ANOS1: variants seen among roughly 807,000 people sequenced by gnomAD.
ANOS1 encodes anosmin 1, also known as anosmin-1.
ANOS1 carries 6 observed loss-of-function variants against 59.0 expected under a neutral mutation model. The observed-to-expected ratio is 0.10, with a 90% CI of 0.06 to 0.20. The LOEUF is 0.20. Among genes scored for constraint, ANOS1 ranks in the 10% least tolerant of loss-of-function variants. The probability of loss-of-function intolerance (pLI) is 1.00; values close to 1 mark genes in which losing one functional copy is unlikely to be tolerated. For synonymous variants in ANOS1, 217 were observed against 223.4 expected, an observed-to-expected ratio of 0.97 and a Z score of 0.25; for missense variants, 433 against 542.3, an observed-to-expected ratio of 0.80 and a Z score of 2.00.
At chrX:8,695,847 C>T (rs771921830) in intron 2 of ANOS1, among the ~76,000 whole-genome samples, 34 of 111,227 alleles carry the variant, frequency 3.1e-4, no homozygotes, top group African/African-American at 8.8e-4. Context: ...TTAATTCCAC[C>T]GGAACTCAGT....
intron 2 of ANOS1, among the ~76,000 whole-genome samples, chrX:8,629,804 A>C (rs1254905806): frequency 8.9e-6 from 1 of 112,465 alleles, no homozygotes; most frequent in Non-Finnish European, 1.9e-5. Flanking sequence ...TAAATTCTAA[A>C]GCAAAAAAGG....
chrX:8,590,682 G>C (rs1435223012), intron 4 of ANOS1, among the ~76,000 whole-genome samples: 1 of 111,826 alleles, frequency 8.9e-6, no homozygotes, highest in Non-Finnish European at 1.9e-5. Context: ...AATAGCAAAT[G>C]TTCAATGAAC....
chrX:8,687,443 A>C (rs1041536057), intron 2 of ANOS1, among the ~76,000 whole-genome samples: 2 of 109,435 alleles, frequency 1.8e-5, no homozygotes, highest in Non-Finnish European at 1.9e-5. Flanking sequence ...TAAATAAATA[A>C]ATAAATACAT....
chrX:8,720,847 G>C (rs978540271), intron 1 of ANOS1, among the ~76,000 whole-genome samples: 3 of 111,836 alleles, frequency 2.7e-5, no homozygotes, highest in Non-Finnish European at 5.6e-5. Context: ...GATTTCTTGA[G>C]CCTAGGAGTG....
chrX:8,702,020 C>A (rs781417781), intron 1 of ANOS1, among the ~76,000 whole-genome samples: 2 of 111,352 alleles, frequency 1.8e-5, no homozygotes, highest in African/African-American at 3.3e-5. Context: ...TTTTAGCCAG[C>A]CTTAACTCCC....
chrX:8,554,155 G>A, intron 8 of ANOS1, 57 bp from the exon 9 acceptor site: 1 of 979,995 alleles, frequency 1.0e-6, no homozygotes, highest in Non-Finnish European at 1.4e-6. Context: ...AGATTCCTGG[G>A]CAAGATGGCC....
chrX:8,560,883 T>A (rs1694953669), intron 8 of ANOS1, among the ~76,000 whole-genome samples: 1 of 112,595 alleles, frequency 8.9e-6, no homozygotes, highest in Non-Finnish European at 1.9e-5. Context: ...ACATAGAAAT[T>A]CTGCCCTTTG....
chrX:8,567,751 G>A (rs1402185690), intron 8 of ANOS1, among the ~76,000 whole-genome samples: 1 of 111,363 alleles, frequency 9.0e-6, no homozygotes, highest in Non-Finnish European at 1.9e-5. Flanking sequence ...CTGAGATCAC[G>A]CCATTGCACT....
At chrX:8,547,525 T>C (rs1234662205) in intron 9 of ANOS1, among the ~76,000 whole-genome samples, 2 of 112,008 alleles carry the variant, frequency 1.8e-5, no homozygotes, top group Admixed American at 1.9e-4. Context: ...TGAAGAATAA[T>C]GTCTTATTAT....
At chrX:8,710,837 AT>A (rs1932808370) in intron 1 of ANOS1, among the ~76,000 whole-genome samples, 1 of 112,248 alleles carries the variant, frequency 8.9e-6, no homozygotes, top group Admixed American at 9.5e-5. Flanking sequence ...TCTCCAAAAC[AT>A]TTACCATGCC....
rs1049555442 is a variant in ANOS1, at chrX:8,528,943, A to G, written c.*4052T>C. 1 of 112,316 alleles carries G rather than the reference A, an allele frequency of 8.9e-6. No individual in the cohort carries two copies. Among genetic ancestry groups the G allele is most frequent in the Non-Finnish European group, 1.9e-5 (1 of 53,334 alleles). The allele number at this position is 112,316 out of a possible 1,213,427, so 9.3% of individuals were successfully genotyped here. On this transcript the variant is annotated 3_prime_UTR_variant, in exon 14 of 14. Coordinates refer to ENST00000262648, the MANE Select transcript of ANOS1 (RefSeq NM_000216.4). Reference sequence around the variant, plus strand: ...CTAACATGAAAATAATGAGTCACAGAATATCAAGACTATTTACAATACTTT... The same window carrying G: ...CTAACATGAAAATAATGAGTCACAGGATATCAAGACTATTTACAATACTTT...
chrX:8,732,025 C>T lies in ANOS1; in HGVS notation c.12G>A (p.Gly4=), dbSNP rs1932986742. ...AGAGGGTCAGGACCGCGCCGGGCAC[C>T]CCGGGCACCATGGCTGCGGGTCGAG... MVP[G]VPGAVLTLCL... Residue 4 remains glycine, a synonymous_variant, in exon 1 of 14, where the codon GGG becomes GGA. Coordinates refer to ENST00000262648, the MANE Select transcript of ANOS1 (RefSeq NM_000216.4). 2.0e-6 allele frequency: 2 copies of T among 996,989 alleles called. No homozygotes were observed. The highest frequency in any genetic ancestry group is 2.5e-6 in the Non-Finnish European group (2 of 790,505). 82.2% of individuals were successfully genotyped at this position (996,989 alleles called of 1,213,427 possible). A position where few individuals can be genotyped will look rare whatever the true frequency, so the allele number is the denominator to read the frequency against.
chrX:8,634,280 T>C (rs1931537666), intron 2 of ANOS1, among the ~76,000 whole-genome samples: 1 of 110,986 alleles, frequency 9.0e-6, no homozygotes, highest in African/African-American at 3.3e-5. Flanking sequence ...ACACATAGTA[T>C]ATATGTATAC....
chrX:8,710,012 G>A (rs1274295643), intron 1 of ANOS1, among the ~76,000 whole-genome samples: 4 of 111,268 alleles, frequency 3.6e-5, no homozygotes, highest in African/African-American at 1.3e-4. Flanking sequence ...CTCACTGCAA[G>A]CTCCGTCTCC....
chrX:8,588,771 A>C (rs1259024788), intron 4 of ANOS1, among the ~76,000 whole-genome samples: 1 of 112,381 alleles, frequency 8.9e-6, no homozygotes, highest in African/African-American at 3.2e-5. Context: ...TTGAAGAACC[A>C]CAGTTCAAAA....
intron 2 of ANOS1, among the ~76,000 whole-genome samples, chrX:8,665,398 C>G (rs760661815): frequency 1.8e-5 from 2 of 112,414 alleles, no homozygotes; most frequent in African/African-American, 3.2e-5. Context: ...ATTGCACTCC[C>G]TAACTCAATC....
chrX:8,678,310 G>A (rs963327646), intron 2 of ANOS1, among the ~76,000 whole-genome samples: 1 of 111,874 alleles, frequency 8.9e-6, no homozygotes, highest in Admixed American at 9.5e-5. Context: ...AGTTCAAAGG[G>A]AATATTGTGT....
intron 3 of ANOS1, among the ~76,000 whole-genome samples, chrX:8,606,618 T>C (rs1212352794): frequency 8.9e-6 from 1 of 112,504 alleles, no homozygotes; most frequent in Admixed American, 9.4e-5. Context: ...TTGAAACTAG[T>C]GTGCACAGAG....
At chrX:8,618,681 A>G (rs1931217832) in intron 3 of ANOS1, among the ~76,000 whole-genome samples, 1 of 112,489 alleles carries the variant, frequency 8.9e-6, no homozygotes, top group Admixed American at 9.5e-5. Flanking sequence ...AAAATTTAAG[A>G]TTCCATTGAT....
Sources: gnomAD v4.1 joint callset for allele counts (sites outside exome capture counted in the v4.1 genomes callset) on GRCh38, gnomAD v4.1.1 for gene constraint, MANE v1.5 for transcripts, NCBI Gene and HGNC (gene_info 2026-07-23, HGNC 2026-07-21) for gene names.